ABHD16A: variants seen among roughly 807,000 people sequenced by gnomAD.
The protein encoded by ABHD16A is phosphatidylserine lipase ABHD16A.
Under a neutral mutation model 89.8 loss-of-function variants are expected in ABHD16A, and 47 were observed. The ratio of observed to expected loss-of-function variants is 0.52; its 90% CI spans 0.41 to 0.67. The LOEUF is 0.67. Ranked by LOEUF, ABHD16A falls within the 30% of genes least tolerant of loss-of-function variation. The pLI is 0.00. For synonymous variants in ABHD16A, 251 were observed against 280.4 expected, an observed-to-expected ratio of 0.90 and a Z score of 1.05; for missense variants, 580 against 734.6, an observed-to-expected ratio of 0.79 and a Z score of 2.43.
Position 31,687,462 on chromosome 6 carries a change from T to G in ABHD16A, c.1593+36A>C. On this transcript the variant is annotated intron_variant, in intron 19 of 19. Transcript: ENST00000395952. The surrounding 1 kb of genome is among the most constrained non-coding windows in gnomAD (Gnocchi z 6.3). ...GTCCCCCTATGTGAGCCCTGGCCAT[T>G]CAAGAACCCTTCCCACTTCCCACTC... 6.2e-7 allele frequency: 1 copy of G among 1,612,994 alleles called. No individual in the cohort carries two copies. Among genetic ancestry groups the G allele is most frequent in the Non-Finnish European group, 8.5e-7 (1 of 1,179,976 alleles).
At position 31,700,948 on chromosome 6, in the gene ABHD16A, G is replaced by C. The variant is rs780168103; in HGVS notation, c.337C>G (p.Leu113Val). Reference sequence around the variant, plus strand: ...AGGTTTCCTCTCCACCTACCTCGGAGGCAGGCCACACCTGCCAGAAGTAGC... The same window carrying C: ...AGGTTTCCTCTCCACCTACCTCGGACGCAGGCCACACCTGCCAGAAGTAGC... ...LLLLLAGVAC[L>V]RGIGRWTNPQ... Residue 113 changes from leucine to valine, a missense_variant, in exon 4 of 20, where the codon CTC (leucine) becomes GTC (valine). Physicochemically the swap from Leu to Val is conservative, Grantham distance 32. Coordinates refer to ENST00000395952, the MANE Select transcript of ABHD16A (RefSeq NM_021160.3). 2 of 1,613,646 alleles carry C rather than the reference G, an allele frequency of 1.2e-6. No individual in the cohort carries two copies. Among genetic ancestry groups the C allele is most frequent in the Admixed American group, 1.7e-5 (1 of 59,984 alleles).
rs373829129 is a variant in ABHD16A at position 31,687,794 on chromosome 6, C to G, written c.1447+30G>C. 5.0e-6 allele frequency: 8 copies of G among 1,612,778 alleles called. No homozygotes were observed. The highest frequency in any genetic ancestry group is 6.8e-6 in the Non-Finnish European group (8 of 1,179,970). On this transcript the variant is annotated intron_variant, in intron 17 of 19. Coordinates refer to ENST00000395952, the MANE Select transcript of ABHD16A (RefSeq NM_021160.3). The surrounding 1 kb of genome is among the most constrained non-coding windows in gnomAD (Gnocchi z 6.3). Reference sequence around the variant, plus strand: ...CAGCAACCTGACCTTGCTGGGCCCCCGCCCCAAGCCTCACTGGATCCCTTC... The same window carrying G: ...CAGCAACCTGACCTTGCTGGGCCCCGGCCCCAAGCCTCACTGGATCCCTTC...
chr6:31,701,083 C>T, intron 3 of ABHD16A, 55 bp from the exon 4 acceptor site: 1 of 1,498,080 alleles, frequency 6.7e-7, no homozygotes, highest in Non-Finnish European at 9.3e-7. Flanking sequence ...CTCAGCTCCT[C>T]TTCCCAGTTC....
rs1804638138 is a variant in ABHD16A, at chr6:31,698,897, G to A, written c.344-1864C>T. Among the ~76,000 whole-genome samples, 1 of 152,078 alleles carries A rather than the reference G, an allele frequency of 6.6e-6. No individual in the cohort carries two copies. Among genetic ancestry groups the A allele is most frequent in the Non-Finnish European group, 1.5e-5 (1 of 68,018 alleles). ...GCCCATCACCTGGTTGTCATCTTAT[G>A]TACCCACTAGGGGTAGGTGATCTGT... On this transcript the variant is annotated intron_variant, in intron 4 of 19. Transcript: ENST00000395952. The surrounding 1 kb of genome is among the most constrained non-coding windows in gnomAD (Gnocchi z 4.1).
chr6:31,687,439 C>G lies in ABHD16A; in HGVS notation c.1593+59G>C. On this transcript the variant is annotated intron_variant, in intron 19 of 19. Coordinates refer to ENST00000395952, the MANE Select transcript of ABHD16A (RefSeq NM_021160.3). This position sits in a 1 kb window ranked among gnomAD's most constrained non-coding sequence, Gnocchi z 6.3. ...CCAATGCTTATAGGGTATCCCCAGTCCCCCTATGTGAGCCCTGGCCATTCA... is the reference window on the plus strand; with the variant it reads ...CCAATGCTTATAGGGTATCCCCAGTGCCCCTATGTGAGCCCTGGCCATTCA... 1.2e-6 allele frequency: 2 copies of G among 1,607,910 alleles called. No individual in the cohort carries two copies. The highest frequency in any genetic ancestry group is 1.7e-4 in the Middle Eastern group (1 of 6,044).
chr6:31,689,627 C>T lies in ABHD16A; in HGVS notation c.1035G>A (p.Gln345=). The change falls in exon 12 of 20, where the codon CAG becomes CAA. Residue 345 remains glutamine (Q), a synonymous_variant. Transcript: ENST00000395952. ...AGGCGTAGATGATGATGTCCTGGGG[C>T]TGGAAGCCTAGGCGGTGGATGGCAA... The part of the protein sequence containing the change: ...VQFAIHRLGF[Q]PQDIIIYAWS... The T allele has an allele frequency of 6.2e-7, 1 of 1,611,554 alleles. No individual in the cohort carries two copies. Among genetic ancestry groups the T allele is most frequent in the Non-Finnish European group, 8.5e-7 (1 of 1,179,310 alleles).
chr6:31,687,627 C>T lies in ABHD16A; in HGVS notation c.1546+15G>A, dbSNP rs1481787879. Reference sequence around the variant, plus strand: ...GGCCCTTCCCACCCTCTCTCCTGCCCCAGGAGCTCCTTACCCACGCTCCAG... The same window carrying T: ...GGCCCTTCCCACCCTCTCTCCTGCCTCAGGAGCTCCTTACCCACGCTCCAG... On this transcript the variant is annotated intron_variant, in intron 18 of 19. Coordinates refer to ENST00000395952, the MANE Select transcript of ABHD16A (RefSeq NM_021160.3). The surrounding 1 kb of genome is among the most constrained non-coding windows in gnomAD (Gnocchi z 6.3). The T allele has an allele frequency of 1.9e-5, 31 of 1,612,762 alleles. No homozygotes were observed. Among genetic ancestry groups the T allele is most frequent in the Non-Finnish European group, 2.5e-5 (30 of 1,179,950 alleles).
chr6:31,688,571 G>A lies in ABHD16A; in HGVS notation c.1250+152C>T. 1.0e-6 allele frequency: 1 copy of A among 980,848 alleles called. No homozygotes were observed. Among genetic ancestry groups the A allele is most frequent in the Non-Finnish European group, 1.5e-6 (1 of 658,862 alleles). The allele number at this position is 980,848 out of a possible 1,614,324, so 60.8% of individuals were successfully genotyped here. On this transcript the variant is annotated intron_variant, in intron 14 of 19. Coordinates refer to ENST00000395952, the MANE Select transcript of ABHD16A (RefSeq NM_021160.3). The surrounding 1 kb of genome is among the most constrained non-coding windows in gnomAD (Gnocchi z 4.9). ...CAGAGTCCCAGGGGACCTGGGAGGG[G>A]TTAGGCCAGTTGAGGTGGTGGCAGG... is the stretch of plus-strand genomic sequence containing the variant.
intron 2 of ABHD16A, 126 bp from the exon 3 acceptor site, chr6:31,701,466 T>C (rs898254986): frequency 2.6e-6 from 2 of 769,852 alleles, no homozygotes; most frequent in African/African-American, 3.5e-5. Context: ...ATTTGGTGTA[T>C]GACACCATGA....
chr6:31,688,797 A>C lies in ABHD16A; in HGVS notation c.1187-11T>G, dbSNP rs1242768887. The C allele has an allele frequency of 1.2e-6, 2 of 1,612,484 alleles. No individual in the cohort carries two copies. The highest frequency in any genetic ancestry group is 3.3e-5 in the Admixed American group (2 of 59,962). ...TGGTCACCAGGCCCCCTAGAGTGGG[A>C]TAAAGGTGAAGGGATGGCAGAGACA... is the stretch of plus-strand genomic sequence containing the variant. On this transcript the variant is annotated splice_polypyrimidine_tract_variant and intron_variant, in intron 13 of 19. Transcript: ENST00000395952. This position sits in a 1 kb window ranked among gnomAD's most constrained non-coding sequence, Gnocchi z 4.9.
intron 5 of ABHD16A, among the ~76,000 whole-genome samples, chr6:31,694,133 G>A (rs1460255919): frequency 6.6e-6 from 1 of 150,526 alleles, no homozygotes; most frequent in African/African-American, 2.5e-5. Flanking sequence ...ATAGCTCACT[G>A]CAGCCTCAAA....
At chr6:31,702,913 G>A in intron 1 of ABHD16A, 4 of 1,300,828 alleles carry the variant, frequency 3.1e-6, no homozygotes, top group Non-Finnish European at 3.9e-6. Flanking sequence ...GACGCGGAGA[G>A]GAAAGAACAA....
At chr6:31,702,505 G>A (rs1805112513) in intron 1 of ABHD16A, 3 of 1,053,938 alleles carry the variant, frequency 2.8e-6, no homozygotes, top group Non-Finnish European at 4.0e-6. Flanking sequence ...TCAGAAATAA[G>A]AGTAGTTGAC....
intron 3 of ABHD16A, 118 bp from the exon 4 acceptor site, chr6:31,701,146 G>A (rs2151257271): frequency 7.6e-7 from 1 of 1,320,368 alleles, no homozygotes; most frequent in Non-Finnish European, 1.1e-6. Flanking sequence ...ACCCTAAGAG[G>A]AAGAAGATGC....
chr6:31,696,096 C>T (rs570285069), intron 5 of ABHD16A, among the ~76,000 whole-genome samples: 1 of 149,940 alleles, frequency 6.7e-6, no homozygotes, highest in Non-Finnish European at 1.5e-5. Context: ...CCCGGGAGGC[C>T]GAGCTTGCAG....
At position 31,690,656 on chromosome 6, in the gene ABHD16A, TC is replaced by T; in HGVS notation, c.844-55del. 3 of 1,558,720 alleles carry T rather than the reference TC, an allele frequency of 1.9e-6. No individual in the cohort carries two copies. Among genetic ancestry groups the T allele is most frequent in the Non-Finnish European group, 2.7e-6 (3 of 1,131,454 alleles). ...GGGGGCCAAGTTGGGACTGAAAAAC[TC>T]CCTTTGGGCAGGGAGGGCAGCCCAT... is the stretch of plus-strand genomic sequence containing the variant. On this transcript the variant is annotated intron_variant, in intron 9 of 19. Coordinates refer to ENST00000395952, the MANE Select transcript of ABHD16A (RefSeq NM_021160.3). This position sits in a 1 kb window ranked among gnomAD's most constrained non-coding sequence, Gnocchi z 4.1.
chr6:31,698,120 T>C lies in ABHD16A; in HGVS notation c.344-1087A>G, dbSNP rs150135229. On this transcript the variant is annotated intron_variant, in intron 4 of 19. Coordinates refer to ENST00000395952, the MANE Select transcript of ABHD16A (RefSeq NM_021160.3). The surrounding 1 kb of genome is among the most constrained non-coding windows in gnomAD (Gnocchi z 4.1). Reference sequence around the variant, plus strand: ...CAAAATAATACATACTGCTTATAGATACCATATTTCATAGATTCTAAAATG... The same window carrying C: ...CAAAATAATACATACTGCTTATAGACACCATATTTCATAGATTCTAAAATG... Among the ~76,000 whole-genome samples, 148 of 152,288 alleles carry C rather than the reference T, an allele frequency of 9.7e-4. 1 individual carries two copies. The East Asian group carries it at 0.027, about 28-fold the overall frequency.
chr6:31,699,224 G>A (rs568561104), intron 4 of ABHD16A, among the ~76,000 whole-genome samples: 3 of 151,964 alleles, frequency 2.0e-5, no homozygotes, highest in East Asian at 3.9e-4. Flanking sequence ...GGCTAACACG[G>A]TGAAACCCCA....
At position 31,691,636 on chromosome 6, in the gene ABHD16A, C is replaced by T; in HGVS notation, c.786G>A (p.Glu262=). Residue 262 remains glutamate (E), a synonymous_variant, in exon 9 of 20, where the codon GAG becomes GAA. Coordinates refer to ENST00000395952, the MANE Select transcript of ABHD16A (RefSeq NM_021160.3). ...GCCGGTCCACAAACATGGTGTCAAT[C>T]TCATTGCCATCACAGGCCAGCAGCT... ...RAKLLACDGN[E]IDTMFVDRRG... The T allele has an allele frequency of 1.2e-6, 2 of 1,612,608 alleles. No individual in the cohort carries two copies. The highest frequency in any genetic ancestry group is 1.7e-6 in the Non-Finnish European group (2 of 1,179,944).
Sources: allele counts gnomAD v4.1 joint callset (sites outside exome capture counted in the v4.1 genomes callset), GRCh38; gene constraint gnomAD v4.1.1; non-coding constraint Gnocchi (gnomAD v3.1); transcripts MANE v1.5; gene names NCBI Gene and HGNC (gene_info 2026-07-23, HGNC 2026-07-21).